Variants in IFT80 observed in about 807,000 individuals in gnomAD.
IFT80 encodes the protein intraflagellar transport protein 80 homolog.
IFT80 carries 79 observed loss-of-function variants against 107.9 expected under a neutral mutation model. The observed-to-expected ratio is 0.73, with a 90% CI of 0.61 to 0.88. IFT80 has a LOEUF of 0.88. Among genes scored for constraint, IFT80 ranks in the 40% least tolerant of loss-of-function variants. IFT80 has a pLI of 0.00. For synonymous variants in IFT80, 299 were observed against 300.9 expected (o/e 0.99, Z 0.07); for missense variants, 797 against 914.2 (o/e 0.87, Z 1.65).
intron 8 of IFT80, among the ~76,000 whole-genome samples, chr3:160,322,327 T>C (rs987906139): frequency 7.9e-5 from 12 of 151,882 alleles, no homozygotes; most frequent in Non-Finnish European, 1.6e-4. Context: ...AGAATGATGA[T>C]TTCCAATTTC....
chr3:160,291,161 T>C (rs962892431), intron 12 of IFT80, among the ~76,000 whole-genome samples: 1 of 152,230 alleles, frequency 6.6e-6, no homozygotes, highest in African/African-American at 2.4e-5. Flanking sequence ...CACCTCTCAG[T>C]GAAAATTACT....
intron 13 of IFT80, among the ~76,000 whole-genome samples, chr3:160,284,825 T>G (rs1714968523): frequency 6.6e-6 from 1 of 152,222 alleles, no homozygotes. Context: ...TAAAATTGTT[T>G]GTTACATTTT....
In IFT80 at chr3:160,268,534, G is replaced by A; in HGVS notation, c.2102C>T (p.Ala701Val). Residue 701 changes from alanine to valine, a missense_variant and splice_region_variant, in exon 19 of 20, where the codon GCA becomes GTA. Physicochemically the swap from Ala to Val is moderately conservative, Grantham distance 64. Coordinates refer to ENST00000326448, the MANE Select transcript of IFT80 (RefSeq NM_020800.3). ...ININLYNWERALELAVKYKTH... is the reference protein window; with the variant it reads ...ININLYNWERVLELAVKYKTH... ...TTTGTATTTTACAGCCAATTCCAGT[G>A]CCCTATAATGAGAAATAAAACAGAT... The A allele has an allele frequency of 6.2e-7, 1 of 1,612,780 alleles. No individual in the cohort carries two copies. Among genetic ancestry groups the A allele is most frequent in the African/African-American group, 1.3e-5 (1 of 74,992 alleles).
intron 15 of IFT80, among the ~76,000 whole-genome samples, chr3:160,280,395 A>T (rs527675349): frequency 6.6e-6 from 1 of 152,316 alleles, no homozygotes; most frequent in African/African-American, 2.4e-5. Context: ...TCACTTGATC[A>T]CACTGAGAAA....
At chr3:160,396,669 A>G (rs1713801302) in intron 1 of IFT80, among the ~76,000 whole-genome samples, 1 of 152,208 alleles carries the variant, frequency 6.6e-6, no homozygotes, top group Admixed American at 6.5e-5. Context: ...TAGACTAGGA[A>G]GATAAGACCC....
At position 160,282,499 on chromosome 3, in the gene IFT80, C is replaced by T. The variant is rs555093543; in HGVS notation, c.1495G>A (p.Glu499Lys). ...CITSVKRFGK[E>K]EQIIKLGTMV... ...TTACCAAGCTTGATAATTTGTTCTT[C>T]CTTCCCAAATCGTTTCACAGAAGTG... The change falls in exon 14 of 20, where the codon GAA becomes AAA. Residue 499 changes from glutamate to lysine, a missense_variant. Glu to Lys is a moderately conservative substitution (Grantham distance 56, BLOSUM62 1). Coordinates refer to ENST00000326448, the MANE Select transcript of IFT80 (RefSeq NM_020800.3). 1.6e-5 allele frequency: 25 copies of T among 1,592,628 alleles called. No individual in the cohort carries two copies. Among genetic ancestry groups the T allele is most frequent in the Middle Eastern group, 2.0e-4 (1 of 4,920 alleles).
At chr3:160,337,283 C>G (rs933745678) in intron 8 of IFT80, among the ~76,000 whole-genome samples, 1 of 152,072 alleles carries the variant, frequency 6.6e-6, no homozygotes, top group East Asian at 1.9e-4. Context: ...GAAAACATTC[C>G]GTGAGTTCTT....
chr3:160,291,834 A>G (rs1198556485), intron 12 of IFT80, among the ~76,000 whole-genome samples: 1 of 152,170 alleles, frequency 6.6e-6, no homozygotes, highest in Non-Finnish European at 1.5e-5. Context: ...TTCCCCTTCA[A>G]GGTTCAAAAG....
intron 1 of IFT80, among the ~76,000 whole-genome samples, chr3:160,396,264 C>T (rs1031959630): frequency 6.6e-5 from 10 of 152,138 alleles, no homozygotes; most frequent in African/African-American, 2.4e-4. Flanking sequence ...GGAATATTCA[C>T]TTCTATCTGC....
chr3:160,344,330 C>A (rs1350829665), intron 8 of IFT80, among the ~76,000 whole-genome samples: 1 of 152,006 alleles, frequency 6.6e-6, no homozygotes, highest in African/African-American at 2.4e-5. Flanking sequence ...TATTTAAGAT[C>A]ACTGATTTAG....
At chr3:160,362,887 T>A (rs1367231664) in intron 6 of IFT80, among the ~76,000 whole-genome samples, 1 of 152,154 alleles carries the variant, frequency 6.6e-6, no homozygotes, top group Non-Finnish European at 1.5e-5. Context: ...AAGAGCTACT[T>A]ATGACAAACC....
chr3:160,281,182 C>G (rs1007157401), intron 14 of IFT80, among the ~76,000 whole-genome samples: 1 of 152,154 alleles, frequency 6.6e-6, no homozygotes, highest in African/African-American at 2.4e-5. Context: ...CTACAGGGGA[C>G]CCCTAGTCTG....
rs1397736444 is a variant in IFT80, at chr3:160,277,320, G to T, written c.2085C>A (p.Leu695=). 4 of 1,612,470 alleles carry T rather than the reference G, an allele frequency of 2.5e-6. No homozygotes were observed. In the African/African-American group the frequency reaches 5.3e-5, roughly 22 times the overall value. ...VYQAIQININ[L]YNWERALELA... is the part of the protein sequence containing the mutation. ...ATTCTTATTACCTTTCCCAGTTGTA[G>T]AGATTAATATTGATCTGGATTGCTT... The change falls in exon 18 of 20, where the codon CTC becomes CTA. Residue 695 remains leucine (L), a synonymous_variant. Coordinates refer to ENST00000326448, the MANE Select transcript of IFT80 (RefSeq NM_020800.3).
Position 160,345,013 on chromosome 3 carries a change from A to G in IFT80, c.777+11000T>C, listed in dbSNP as rs146404850. 2.5e-4 allele frequency among the ~76,000 whole-genome samples: 38 copies of G among 152,186 alleles called. No homozygotes were observed. In the East Asian group the frequency reaches 6.4e-3, roughly 26 times the overall value. ...GGTGAGAATGTAAATTTGTACAACC[A>G]CTCTGGAGAAGAGTTTAGAGGTTCC... On this transcript the variant is annotated intron_variant, in intron 8 of 19. Coordinates refer to ENST00000326448, the MANE Select transcript of IFT80 (RefSeq NM_020800.3).
chr3:160,282,435 A>C (rs1171606108), intron 14 of IFT80, 43 bp downstream of exon 14: 2 of 1,284,548 alleles, frequency 1.6e-6, no homozygotes, highest in East Asian at 4.9e-5. Context: ...CAAATATAAG[A>C]AAGTTGACAA....
intron 8 of IFT80, among the ~76,000 whole-genome samples, chr3:160,350,049 A>C (rs1026323386): frequency 2.0e-5 from 3 of 152,210 alleles, no homozygotes; most frequent in Non-Finnish European, 4.4e-5. Context: ...TGTATAATTA[A>C]TGTTTTAATA....
At chr3:160,314,090 TATAATCATAATC>T (rs1342958067) in intron 9 of IFT80, among the ~76,000 whole-genome samples, 2 of 152,250 alleles carry the variant, frequency 1.3e-5, no homozygotes, top group Non-Finnish European at 2.9e-5. Flanking sequence ...ATCCTATAGC[TATAATCATAATC>T]ATAGCAATAG....
intron 7 of IFT80, 140 bp downstream of exon 7, chr3:160,357,349 C>G: frequency 6.9e-6 from 4 of 580,788 alleles, no homozygotes; most frequent in Non-Finnish European, 1.2e-5. Context: ...TAAAATACCA[C>G]TTAACATTAT....
chr3:160,310,471 T>G (rs1006040989), intron 9 of IFT80, among the ~76,000 whole-genome samples: 1 of 152,190 alleles, frequency 6.6e-6, no homozygotes, highest in African/African-American at 2.4e-5. Flanking sequence ...TTTGTTACCA[T>G]TCCCCACAGG....
Sources: allele counts gnomAD v4.1 joint callset (sites outside exome capture counted in the v4.1 genomes callset), GRCh38; gene constraint gnomAD v4.1.1; transcripts MANE v1.5; gene names NCBI Gene and HGNC (gene_info 2026-07-23, HGNC 2026-07-21).